The following SRRM4 variants were observed in gnomAD, a reference collection of about 807,000 sequenced individuals.
SRRM4 encodes the protein serine/arginine repetitive matrix 4, also known as serine/arginine repetitive matrix protein 4.
In SRRM4, 33 loss-of-function variants were observed where a neutral mutation model predicts 68.9. The observed-to-expected ratio is 0.48, with a 90% confidence interval of 0.36 to 0.64. The LOEUF is 0.64. SRRM4 is among the 30% of genes least tolerant of loss of function. The pLI is 0.00. For missense variants in SRRM4, 817 were observed against 827.1 expected (o/e 0.99, Z 0.15); for synonymous variants, 318 against 318.8 (o/e 1.00, Z 0.03).
chr12:119,047,000 C>G (rs1953711803), intron 1 of SRRM4, among the ~76,000 whole-genome samples: 1 of 141,892 alleles, frequency 7.0e-6, no homozygotes, highest in Admixed American at 7.4e-5. Flanking sequence ...CCACTGCACT[C>G]TAGCCTGGGT....
At chr12:119,026,782 C>T (rs562468474) in intron 1 of SRRM4, among the ~76,000 whole-genome samples, 3 of 152,034 alleles carry the variant, frequency 2.0e-5, no homozygotes, top group Admixed American at 2.0e-4. Context: ...AGTGATCCAC[C>T]CACCTCAGCC....
chr12:119,036,114 GA>G (rs760257443), intron 1 of SRRM4, among the ~76,000 whole-genome samples: 49 of 152,266 alleles, frequency 3.2e-4, no homozygotes, highest in Non-Finnish European at 6.2e-4. Flanking sequence ...TGCCTGCATG[GA>G]AAAATTTCTT....
rs534323168 is a variant in SRRM4 at position 119,075,637 on chromosome 12, AATG to A, written c.132-26586_132-26584del. The stretch of plus-strand genomic sequence containing the variant: ...TGGTGATGGTGATGATGATAGTGGT[AATG>A]ATGATGATGATGGTAGCGATGATGG... On this transcript the variant is annotated intron_variant, in intron 1 of 12. Coordinates refer to ENST00000267260, the MANE Select transcript of SRRM4 (RefSeq NM_194286.4). Among the ~76,000 whole-genome samples the A allele has an allele frequency of 5.5e-3, 484 of 87,842 alleles. 1 individual carries two copies. The highest frequency in any genetic ancestry group is 0.02 in the African/African-American group (442 of 22,622). 57.6% of individuals were successfully genotyped at this position (87,842 alleles called of 152,430 possible). A position where few individuals can be genotyped will look rare whatever the true frequency, so the allele number is the denominator to read the frequency against.
chr12:118,997,571 C>A (rs752171768), intron 1 of SRRM4, among the ~76,000 whole-genome samples: 1 of 152,154 alleles, frequency 6.6e-6, no homozygotes, highest in Non-Finnish European at 1.5e-5. Context: ...AAATCCTTTT[C>A]CCTAAGGGCT....
intron 8 of SRRM4, among the ~76,000 whole-genome samples, chr12:119,135,420 C>A (rs1379196060): frequency 6.6e-6 from 1 of 152,090 alleles, no homozygotes; most frequent in Non-Finnish European, 1.5e-5. Flanking sequence ...ATGTCGAAAC[C>A]AAAAACAATA....
rs544238856 is a variant in SRRM4, at chr12:119,139,234, G to A, written c.772-6147G>A. ...GGCTGACTAGGAAGGCAATACCCAG[G>A]GATGGAAGGGCAGAGGCAAGACCAT... On this transcript the variant is annotated intron_variant, in intron 8 of 12. Transcript: ENST00000267260. Among the ~76,000 whole-genome samples, 23 of 152,256 alleles carry A rather than the reference G, an allele frequency of 1.5e-4. No individual in the cohort carries two copies. The South Asian group carries it at 3.9e-3, about 26-fold the overall frequency.
At chr12:119,139,028 G>A (rs1954348015) in intron 8 of SRRM4, among the ~76,000 whole-genome samples, 1 of 152,066 alleles carries the variant, frequency 6.6e-6, no homozygotes, top group Non-Finnish European at 1.5e-5. Context: ...AAGTATCTTG[G>A]GACAAAGAGC....
intron 1 of SRRM4, among the ~76,000 whole-genome samples, chr12:119,007,187 G>A (rs1325376522): frequency 6.6e-6 from 1 of 152,234 alleles, no homozygotes; most frequent in Non-Finnish European, 1.5e-5. Flanking sequence ...TGCACATGGA[G>A]TGCAATTTAA....
At chr12:119,050,253 G>T (rs1477554024) in intron 1 of SRRM4, among the ~76,000 whole-genome samples, 1 of 152,148 alleles carries the variant, frequency 6.6e-6, no homozygotes, top group Non-Finnish European at 1.5e-5. Context: ...GGCATAACAT[G>T]GTTTTCAACA....
intron 1 of SRRM4, among the ~76,000 whole-genome samples, chr12:119,063,305 T>A (rs930744974): frequency 1.1e-4 from 17 of 152,182 alleles, no homozygotes; most frequent in African/African-American, 4.1e-4. Context: ...TAGGCTTGGT[T>A]GTGCTATAGT....
intron 1 of SRRM4, among the ~76,000 whole-genome samples, chr12:119,045,763 C>A (rs1487564604): frequency 6.6e-6 from 1 of 152,112 alleles, no homozygotes; most frequent in Admixed American, 6.5e-5. Context: ...TTAGGCCAGG[C>A]ATGGTGGCTC....
intron 1 of SRRM4, among the ~76,000 whole-genome samples, chr12:119,049,828 T>A (rs1953731034): frequency 1.3e-5 from 2 of 152,226 alleles, no homozygotes; most frequent in Admixed American, 6.5e-5. Flanking sequence ...CTTCTTTTTA[T>A]ACATATCTGT....
At chr12:118,991,754 G>C (rs1953318163) in intron 1 of SRRM4, 1 of 152,178 alleles carries the variant, frequency 6.6e-6, no homozygotes, top group East Asian at 1.9e-4. Context: ...CTGGGGATGG[G>C]GACTATGCCT....
intron 1 of SRRM4, among the ~76,000 whole-genome samples, chr12:118,984,210 C>T (rs1295630201): frequency 6.6e-6 from 1 of 152,200 alleles, no homozygotes; most frequent in Non-Finnish European, 1.5e-5. Context: ...TCCCCATTCT[C>T]ACCCAAGCCA....
At chr12:119,052,485 T>G (rs1953749133) in intron 1 of SRRM4, among the ~76,000 whole-genome samples, 1 of 152,140 alleles carries the variant, frequency 6.6e-6, no homozygotes, top group Non-Finnish European at 1.5e-5. Context: ...TTACCTAGGA[T>G]GTTTAACTGC....
chr12:118,988,427 T>C (rs1488524466), intron 1 of SRRM4, among the ~76,000 whole-genome samples: 4 of 152,206 alleles, frequency 2.6e-5, no homozygotes, highest in African/African-American at 7.2e-5. Context: ...GCTCATATAA[T>C]ATACATTTTC....
chr12:119,121,947 G>A lies in SRRM4; in HGVS notation c.465-123G>A. The A allele has an allele frequency of 8.8e-6, 6 of 682,666 alleles. No individual in the cohort carries two copies. In the South Asian group the frequency reaches 1.0e-4, roughly 11 times the overall value. The allele number at this position is 682,666 out of a possible 1,614,324, so 42.3% of individuals were successfully genotyped here. Reference sequence around the variant, plus strand: ...TTGGCAGTGAATTTTCCAGTCTGAGGCAATGATCAGTGTCCATTCCAAAAC... The same window carrying A: ...TTGGCAGTGAATTTTCCAGTCTGAGACAATGATCAGTGTCCATTCCAAAAC... On this transcript the variant is annotated intron_variant, in intron 5 of 12. Coordinates refer to ENST00000267260, the MANE Select transcript of SRRM4 (RefSeq NM_194286.4).
At chr12:119,132,034 T>C (rs6490241) in intron 8 of SRRM4, among the ~76,000 whole-genome samples, 20,371 of 152,160 alleles carry the variant, frequency 0.13, 1,636 homozygotes, top group African/African-American at 0.22. Context: ...GAATCTTCTT[T>C]ACCAGTCAAG....
chr12:119,084,235 G>C (rs1192094507), intron 1 of SRRM4, among the ~76,000 whole-genome samples: 3 of 152,112 alleles, frequency 2.0e-5, no homozygotes, highest in Non-Finnish European at 4.4e-5. Flanking sequence ...AAGAGAGCAG[G>C]GGAAGAGAAC....
Sources: gnomAD v4.1 joint callset for allele counts (sites outside exome capture counted in the v4.1 genomes callset) on GRCh38, gnomAD v4.1.1 for gene constraint, MANE v1.5 for transcripts, NCBI Gene and HGNC (gene_info 2026-07-23, HGNC 2026-07-21) for gene names.